The following NPC1 variants were observed in gnomAD, a reference collection of about 807,000 sequenced individuals.
NPC1 encodes the protein NPC intracellular cholesterol transporter 1.
In NPC1, 85 loss-of-function variants were observed where a neutral mutation model predicts 140.4. That is an observed-to-expected ratio of 0.61 (90% CI 0.51 to 0.72). The LOEUF is 0.72. Among genes scored for constraint, NPC1 ranks in the 30% least tolerant of loss-of-function variants. The probability of loss-of-function intolerance (pLI) is 0.00; values close to 1 mark genes in which losing one functional copy is unlikely to be tolerated. For missense variants in NPC1, 1,504 were observed against 1,623.8 expected (o/e 0.93, Z 1.27); for synonymous variants, 656 against 624.8 (o/e 1.05, Z -0.74).
chr18:23,530,658 G>A (rs2058466855), downstream of NPC1: 2 of 1,566,760 alleles, frequency 1.3e-6, no homozygotes, highest in Admixed American at 1.8e-5. Flanking sequence ...GCCTCAAAGA[G>A]TAGCAGAGGG....
At chr18:23,510,531 C>A (rs1056683819) in intron 3 of NPC1, among the ~76,000 whole-genome samples, 5 of 152,000 alleles carry the variant, frequency 3.3e-5, no homozygotes, top group Non-Finnish European at 7.4e-5. Flanking sequence ...CCTGTAATCC[C>A]AGCTACTAGG....
At chr18:23,553,009 T>TCCTG (rs2058895931) in intron 9 of NPC1, among the ~76,000 whole-genome samples, 1 of 152,046 alleles carries the variant, frequency 6.6e-6, no homozygotes, top group South Asian at 2.1e-4. Flanking sequence ...GACCCTCAGG[T>TCCTG]GAAAAAGTCC....
At chr18:23,571,840 T>C (rs2059208478) in intron 3 of NPC1, among the ~76,000 whole-genome samples, 1 of 151,904 alleles carries the variant, frequency 6.6e-6, no homozygotes, top group South Asian at 2.1e-4. Context: ...AGTGAGACTC[T>C]GTCTCTATTA....
At chr18:23,566,346 T>G (rs558141131) in intron 4 of NPC1, among the ~76,000 whole-genome samples, 1 of 152,208 alleles carries the variant, frequency 6.6e-6, no homozygotes, top group African/African-American at 2.4e-5. Flanking sequence ...ATTGCATCAC[T>G]GTATTCCAGC....
At chr18:23,557,291 C>G in intron 6 of NPC1, 101 bp from the exon 7 acceptor site, 1 of 851,348 alleles carries the variant, frequency 1.2e-6, no homozygotes, top group South Asian at 1.4e-5. Context: ...CTTCCTCCTC[C>G]TGGCCTCCTC....
rs1164310832 is a variant in NPC1, at chr18:23,531,505, A to AT, written c.*696_*697insA. Reference sequence around the variant, plus strand: ...GATAGGGTAACCCCAAAACTTAGGAAAACAATGTATTTTATTAAAGAAAAA... The same window carrying AT: ...GATAGGGTAACCCCAAAACTTAGGAATAACAATGTATTTTATTAAAGAAAAA... On this transcript the variant is annotated 3_prime_UTR_variant, in exon 25 of 25. Transcript: ENST00000269228. The AT allele has an allele frequency of 3.5e-5, 52 of 1,488,724 alleles. No homozygotes were observed. Among genetic ancestry groups the AT allele is most frequent in the Non-Finnish European group, 4.6e-5 (52 of 1,127,108 alleles). 92.2% of individuals were successfully genotyped at this position (1,488,724 alleles called of 1,614,324 possible).
chr18:23,552,483 T>A (rs2058887937), intron 9 of NPC1, among the ~76,000 whole-genome samples: 2 of 152,108 alleles, frequency 1.3e-5, no homozygotes, highest in South Asian at 4.1e-4. Context: ...AATTAGAGAT[T>A]TCCGGGAAAG....
At chr18:23,556,726 G>C in intron 7 of NPC1, 113 bp from the exon 8 acceptor site, 3 of 1,517,554 alleles carry the variant, frequency 2.0e-6, no homozygotes, top group African/African-American at 1.4e-5. Flanking sequence ...AGCCCACCTG[G>C]GGACACATAT....
chr18:23,544,643 C>G, intron 12 of NPC1, 117 bp from the exon 13 acceptor site: 1 of 947,794 alleles, frequency 1.1e-6, no homozygotes, highest in Non-Finnish European at 1.7e-6. Context: ...GTTGAATGTA[C>G]AATTCTGTGT....
intron 1 of NPC1, among the ~76,000 whole-genome samples, chr18:23,576,151 G>A (rs961478679): frequency 1.3e-5 from 2 of 152,112 alleles, no homozygotes; most frequent in African/African-American, 4.8e-5. Flanking sequence ...TTGAACCCGA[G>A]AGGCGGAGGT....
At chr18:23,558,281 C>T (rs530900320) in intron 6 of NPC1, among the ~76,000 whole-genome samples, 4 of 152,148 alleles carry the variant, frequency 2.6e-5, no homozygotes, top group African/African-American at 9.7e-5. Flanking sequence ...GCAGTAACTT[C>T]ACAGTGGAGA....
chr18:23,567,051 T>C (rs1438372247), intron 4 of NPC1, among the ~76,000 whole-genome samples: 8 of 152,350 alleles, frequency 5.3e-5, no homozygotes, highest in Admixed American at 4.6e-4. Flanking sequence ...TTCCACTGTG[T>C]GGATGTAGCA....
At chr18:23,580,781 T>A (rs1355832168) in intron 1 of NPC1, among the ~76,000 whole-genome samples, 1 of 152,128 alleles carries the variant, frequency 6.6e-6, no homozygotes, top group Non-Finnish European at 1.5e-5. Context: ...GGGAGTGGCA[T>A]GAAGAATCCT....
At position 23,535,526 on chromosome 18, in the gene NPC1, T is replaced by C. The variant is rs2145350342; in HGVS notation, c.3420A>G (p.Gly1140=). ...GACTGATGCCCCAGAGCCACATAAC[T>C]CCAAACATGTTGACCAAGACCATGG... The part of the protein sequence containing the change: ...TIAMVLVNMF[G]VMWLWGISLN... The change falls in exon 22 of 25, where the codon GGA becomes GGG. Residue 1140 remains glycine, a synonymous_variant. Transcript: ENST00000269228. 6.2e-7 allele frequency: 1 copy of C among 1,613,962 alleles called. No individual in the cohort carries two copies. Among genetic ancestry groups the C allele is most frequent in the East Asian group, 2.2e-5 (1 of 44,880 alleles).
intron 3 of NPC1, chr18:23,515,762 A>G: frequency 2.7e-6 from 4 of 1,460,298 alleles, no homozygotes; most frequent in Non-Finnish European, 3.8e-6. Flanking sequence ...CGAACTCCTG[A>G]CCTCAGGTGA....
chr18:23,576,388 C>G lies in NPC1; in HGVS notation c.58-2814G>C, dbSNP rs1054753835. ...AGTGAGCTGAGATAGCACCTCTGCA[C>G]TCCAGCCTGGACAACAAAGTGAAAA... On this transcript the variant is annotated intron_variant, in intron 1 of 24. Transcript: ENST00000269228. The G allele has an allele frequency of 9.1e-6, 7 of 772,162 alleles. No individual in the cohort carries two copies. The African/African-American group carries it at 1.3e-4, about 15-fold the overall frequency. The allele number at this position is 772,162 out of a possible 1,614,324, so 47.8% of individuals were successfully genotyped here.
intron 4 of NPC1, among the ~76,000 whole-genome samples, chr18:23,563,518 C>T (rs1400482541): frequency 1.3e-5 from 2 of 152,088 alleles, no homozygotes; most frequent in African/African-American, 2.4e-5. Flanking sequence ...GCCCCTCAGG[C>T]TCAAGTGATC....
At chr18:23,554,695 G>T in intron 9 of NPC1, 63 bp downstream of exon 9, 1 of 1,262,680 alleles carries the variant, frequency 7.9e-7, no homozygotes. Flanking sequence ...ACAAGCTTTT[G>T]CCCATGTACC....
intron 6 of NPC1, among the ~76,000 whole-genome samples, chr18:23,559,992 T>C (rs1011848819): frequency 6.6e-6 from 1 of 151,814 alleles, no homozygotes; most frequent in Non-Finnish European, 1.5e-5. Flanking sequence ...TAATGCACAG[T>C]GCTTTAAATC....
Sources: gnomAD v4.1 joint callset for allele counts (sites outside exome capture counted in the v4.1 genomes callset) on GRCh38, gnomAD v4.1.1 for gene constraint, MANE v1.5 for transcripts, NCBI Gene and HGNC (gene_info 2026-07-23, HGNC 2026-07-21) for gene names.